Variants in OR8B2 observed in about 807,000 individuals in gnomAD.
The protein encoded by OR8B2 is olfactory receptor family 8 subfamily B member 2, also known as olfactory receptor 8B2.
For missense variants in OR8B2, 304 were observed against 379.6 expected, an observed-to-expected ratio of 0.80 and a Z score of 1.65; for synonymous variants, 98 against 138.2, an observed-to-expected ratio of 0.71 and a Z score of 2.04.
At chr11:124,385,952 A>G (rs1168192741), upstream of OR8B2, among the ~76,000 whole-genome samples, 1 of 152,064 alleles carries the variant, frequency 6.6e-6, no homozygotes, top group Non-Finnish European at 1.5e-5. Context: ...ATTCTTAAAC[A>G]GACTTTTAAG....
chr11:124,386,339 G>A (rs1860699761), upstream of OR8B2, among the ~76,000 whole-genome samples: 1 of 147,544 alleles, frequency 6.8e-6, no homozygotes, highest in Non-Finnish European at 1.5e-5. Flanking sequence ...CATGTGCCAT[G>A]TTGGTGTGCT....
At chr11:124,389,510 G>T in the OR8B2 span, among the ~76,000 whole-genome samples, 706 of 152,220 alleles carry the variant, frequency 4.6e-3, 4 homozygotes, top group Middle Eastern at 0.017. Flanking sequence ...GAGTGAGTGT[G>T]TCTCTTTTCA....
At chr11:124,385,823 G>A (rs1040893432), upstream of OR8B2, among the ~76,000 whole-genome samples, 6 of 151,616 alleles carry the variant, frequency 4.0e-5, no homozygotes, top group South Asian at 2.1e-4. Flanking sequence ...TAGGGATAGG[G>A]GGTCTCACTA....
chr11:124,384,944 A>G (rs560952424), upstream of OR8B2, among the ~76,000 whole-genome samples: 76 of 152,296 alleles, frequency 5.0e-4, no homozygotes, highest in African/African-American at 1.8e-3. Flanking sequence ...TGTATGTATA[A>G]TTTAGTAAAG....
chr11:124,389,771 C>A, the OR8B2 span, among the ~76,000 whole-genome samples: 1 of 151,986 alleles, frequency 6.6e-6, no homozygotes, highest in African/African-American at 2.4e-5. Flanking sequence ...ATGACATGGA[C>A]AAGAGAGTCC....
At chr11:124,387,004 G>A (rs1236143224), upstream of OR8B2, among the ~76,000 whole-genome samples, 9 of 152,330 alleles carry the variant, frequency 5.9e-5, no homozygotes, top group Admixed American at 5.2e-4. Context: ...TTCTCTGATG[G>A]CCAGTGATGG....
At position 124,383,502 on chromosome 11, in the gene OR8B2, C is replaced by T. The variant is rs534569901; in HGVS notation, c.-17-142G>A. 54 of 744,920 alleles carry T rather than the reference C, an allele frequency of 7.2e-5. 1 individual carries two copies. The African/African-American group carries it at 8.6e-4, about 12-fold the overall frequency. The allele number at this position is 744,920 out of a possible 1,614,324, so 46.1% of individuals were successfully genotyped here. A position where few individuals can be genotyped will look rare whatever the true frequency, so the allele number is the denominator to read the frequency against. On this transcript the variant is annotated intron_variant, in intron 1 of 1. Transcript: ENST00000641451. ...TGAATGTACTGAATGTACTGCCACT[C>T]CCACTCCTCAACATTTCAGTCAGTG...
In OR8B2 at chr11:124,382,886, A is replaced by G. The variant is rs774006976; in HGVS notation, c.458T>C (p.Leu153Ser). The G allele has an allele frequency of 4.4e-6, 7 of 1,604,870 alleles. No individual in the cohort carries two copies. Among genetic ancestry groups the G allele is most frequent in the Middle Eastern group, 1.6e-4 (1 of 6,070 alleles). The change falls in exon 2 of 2, where the codon TTG (leucine) becomes TCG (serine). Residue 153 changes from leucine (L) to serine (S), a missense_variant. Leu to Ser is a moderately radical substitution (Grantham distance 145). Transcript: ENST00000641451. ...MLTFAAYIMGLAGATAHTGCM... is the reference protein window; with the variant it reads ...MLTFAAYIMGSAGATAHTGCM... ...CCCGGTGTGGGCCGTGGCTCCAGCC[A>G]ATCCCATTATGTAAGCAGCAAAAGT...
intron 1 of OR8B2, among the ~76,000 whole-genome samples, chr11:124,383,925 T>A (rs1356958537): frequency 6.6e-6 from 1 of 152,160 alleles, no homozygotes; most frequent in African/African-American, 2.4e-5. Context: ...CATAAGTGTT[T>A]CTACACATTC....
upstream of OR8B2, among the ~76,000 whole-genome samples, chr11:124,385,090 T>A (rs673843): frequency 1.3e-5 from 2 of 152,126 alleles, no homozygotes; most frequent in African/African-American, 4.8e-5. Flanking sequence ...ATTTTTTAAA[T>A]AAAATTTTGT....
the OR8B2 span, among the ~76,000 whole-genome samples, chr11:124,390,808 A>G: frequency 6.6e-6 from 1 of 152,040 alleles, no homozygotes; most frequent in Non-Finnish European, 1.5e-5. Context: ...TAATGCTAAG[A>G]AATCTATGCC....
the OR8B2 span, chr11:124,396,216 A>C: frequency 1.8e-6 from 1 of 561,380 alleles, no homozygotes; most frequent in Non-Finnish European, 3.1e-6. Context: ...GCCATGACCT[A>C]TTTAGTAAAA....
chr11:124,387,238 C>A (rs75872463), upstream of OR8B2, among the ~76,000 whole-genome samples: 1 of 151,368 alleles, frequency 6.6e-6, no homozygotes, highest in South Asian at 2.1e-4. Context: ...AGTTTCTTTT[C>A]TTGTGCAGAA....
chr11:124,390,284 A>G, the OR8B2 span, among the ~76,000 whole-genome samples: 2 of 152,322 alleles, frequency 1.3e-5, no homozygotes, highest in Non-Finnish European at 1.5e-5. Flanking sequence ...CCAGCTATTC[A>G]CTATACTTCT....
chr11:124,387,195 C>G (rs956892964), upstream of OR8B2, among the ~76,000 whole-genome samples: 6 of 152,112 alleles, frequency 3.9e-5, no homozygotes, highest in Non-Finnish European at 8.8e-5. Context: ...AAATTTTCTC[C>G]CATGTTGTAG....
rs1860610676 is a variant in OR8B2, at chr11:124,382,604, G to A, written c.740C>T (p.Ala247Val). Residue 247 changes from alanine (A) to valine (V), a missense_variant, in exon 2 of 2, where the codon GCT (alanine) becomes GTT (valine). Ala to Val is a moderately conservative substitution (Grantham distance 64). Transcript: ENST00000641451. ...AFSTCSSHVI[A>V]LSLFFGSAAF... ...CGCTGACCCAAAAAACAGAGACAGA[G>A]CAATGACATGAGAGCTACAAGTACT... 2 of 1,612,388 alleles carry A rather than the reference G, an allele frequency of 1.2e-6. No homozygotes were observed. The highest frequency in any genetic ancestry group is 1.7e-5 in the Admixed American group (1 of 59,752).
chr11:124,395,137 C>CA, the OR8B2 span, among the ~76,000 whole-genome samples: 157 of 134,122 alleles, frequency 1.2e-3, 2 homozygotes, highest in Middle Eastern at 3.8e-3. Flanking sequence ...CAAAACCATA[C>CA]AAAAAAAAAA....
chr11:124,394,368 A>T, the OR8B2 span, among the ~76,000 whole-genome samples: 1 of 152,160 alleles, frequency 6.6e-6, no homozygotes, highest in East Asian at 1.9e-4. Flanking sequence ...GACTTGCAAC[A>T]CATTTTTTGT....
the OR8B2 span, chr11:124,397,165 G>T: frequency 1.2e-6 from 2 of 1,612,248 alleles, no homozygotes. Flanking sequence ...AGATTGAAGA[G>T]GAAATAGTAC....
Sources: gnomAD v4.1 joint callset for allele counts (sites outside exome capture counted in the v4.1 genomes callset) on GRCh38, gnomAD v4.1.1 for gene constraint, MANE v1.5 for transcripts, NCBI Gene and HGNC (gene_info 2026-07-23, HGNC 2026-07-21) for gene names.